The following KCNC3 variants were observed in gnomAD, a reference collection of about 807,000 sequenced individuals.
The protein encoded by KCNC3 is voltage-gated potassium channel KCNC3.
KCNC3 carries 22 observed loss-of-function variants against 43.9 expected under a neutral mutation model. That is an observed-to-expected ratio of 0.50 (90% CI 0.36 to 0.72). The LOEUF (loss-of-function observed/expected upper bound fraction) is 0.72, where lower values mean the gene tolerates loss of function less well. Ranked by LOEUF, KCNC3 falls within the 30% of genes least tolerant of loss-of-function variation. The pLI, the probability that KCNC3 is intolerant of heterozygous loss-of-function variation, is 0.00. For missense variants in KCNC3, 829 were observed against 1,073.8 expected (o/e 0.77, Z 3.19); for synonymous variants, 492 against 488.0 (o/e 1.01, Z -0.11).
chr19:50,329,911 C>G (rs76714689), upstream of KCNC3: 1,047 of 152,356 alleles, frequency 6.9e-3, 10 homozygotes, highest in Middle Eastern at 0.024. Context: ...GGGCTGGGCC[C>G]GGAGAATGAG....
In KCNC3 at chr19:50,324,137, C is replaced by T. The variant is rs1054637109; in HGVS notation, c.871-55G>A. 5.3e-6 allele frequency: 8 copies of T among 1,515,654 alleles called. No homozygotes were observed. Among genetic ancestry groups the T allele is most frequent in the Admixed American group, 4.0e-5 (2 of 49,532 alleles). 93.9% of individuals were successfully genotyped at this position (1,515,654 alleles called of 1,614,324 possible). The stretch of plus-strand genomic sequence containing the variant: ...AGAGGTGACCTAGGCATCAGGTTGG[C>T]CATAACATCCAGAAGACCCTTCCAG... On this transcript the variant is annotated intron_variant, in intron 1 of 4. Transcript: ENST00000477616. The surrounding 1 kb of genome is among the most constrained non-coding windows in gnomAD (Gnocchi z 4.1).
chr19:50,317,497 AAT>A (rs2036972459), intron 4 of KCNC3, among the ~76,000 whole-genome samples: 2 of 152,106 alleles, frequency 1.3e-5, no homozygotes, highest in Non-Finnish European at 2.9e-5. Context: ...CTGTTGAATG[AAT>A]GCATGATGGA....
intron 1 of KCNC3, among the ~76,000 whole-genome samples, chr19:50,325,322 G>A (rs1046815839): frequency 6.6e-6 from 1 of 152,178 alleles, no homozygotes; most frequent in African/African-American, 2.4e-5. Flanking sequence ...GGAGGAGGGA[G>A]GGCATGGGGA....
At chr19:50,320,812 G>T in intron 2 of KCNC3, 28 bp from the exon 3 acceptor site, 3 of 1,609,750 alleles carry the variant, frequency 1.9e-6, no homozygotes, top group Non-Finnish European at 2.5e-6. Context: ...CAGACAGAGA[G>T]ACAAAGGAGA....
In KCNC3 at chr19:50,314,994, G is replaced by A. The variant is rs944901766; in HGVS notation, c.*1121C>T. 7.1e-6 allele frequency: 2 copies of A among 281,758 alleles called. No homozygotes were observed. The highest frequency in any genetic ancestry group is 2.4e-5 in the African/African-American group (1 of 42,334). 17.5% of individuals were successfully genotyped at this position (281,758 alleles called of 1,614,324 possible). A position where few individuals can be genotyped will look rare whatever the true frequency, so the allele number is the denominator to read the frequency against. ...AGGCTGCGGGATTTCTCGTAACCTG[G>A]GGGGTGGGGAGGTGTGCAGACACAG... On this transcript the variant is annotated 3_prime_UTR_variant, in exon 5 of 5. Transcript: ENST00000477616.
Position 50,324,086 on chromosome 19 carries a change from C to T in KCNC3, c.871-4G>A. 1 of 1,587,144 alleles carries T rather than the reference C, an allele frequency of 6.3e-7. No homozygotes were observed. On this transcript the variant is annotated splice_polypyrimidine_tract_variant and splice_region_variant and intron_variant, in intron 1 of 4. Transcript: ENST00000477616. The surrounding 1 kb of genome is among the most constrained non-coding windows in gnomAD (Gnocchi z 4.1). ...AGAGGGAGGCGAAGGCCACATACTG[C>T]AGGGCAGGGAGGGAGAGAGAGGGGG...
intron 4 of KCNC3, among the ~76,000 whole-genome samples, chr19:50,319,160 C>A (rs1489472960): frequency 6.6e-6 from 1 of 152,060 alleles, no homozygotes; most frequent in Non-Finnish European, 1.5e-5. Flanking sequence ...CTGAATGATT[C>A]GTCTACTAAA....
rs1481555586 is a variant in KCNC3, at chr19:50,315,034, G to T, written c.*1081C>A. ...TGCAGACACAGGGGGGAAGCACGAA[G>T]ATGGGGTGCAGGGAAGGGTCAGACA... On this transcript the variant is annotated 3_prime_UTR_variant, in exon 5 of 5. Coordinates refer to ENST00000477616, the MANE Select transcript of KCNC3 (RefSeq NM_004977.3). 2 of 245,238 alleles carry T rather than the reference G, an allele frequency of 8.2e-6. 1 individual carries two copies. 15.2% of individuals were successfully genotyped at this position (245,238 alleles called of 1,614,324 possible).
rs2037142149 is a variant in KCNC3 at position 50,328,887 on chromosome 19, C to A, written c.196G>T (p.Ala66Ser). ...PAPRGPGDRR[A>S]EPCPGLPAAA... ...GCCGGCAGCCCGGGGCATGGCTCGG[C>A]GCGCCGGTCCCCGGGCCCGCGGGGT... The change falls in exon 1 of 5, where the codon GCC (alanine) becomes TCC (serine). Residue 66 changes from alanine (A) to serine (S), a missense_variant. By Grantham distance (99) the Ala-to-Ser change is moderately conservative (BLOSUM62 1). Transcript: ENST00000477616. 3 of 1,052,012 alleles carry A rather than the reference C, an allele frequency of 2.9e-6. No individual in the cohort carries two copies. 65.2% of individuals were successfully genotyped at this position (1,052,012 alleles called of 1,614,324 possible). A position where few individuals can be genotyped will look rare whatever the true frequency, so the allele number is the denominator to read the frequency against.
rs2036896474 is a variant in KCNC3, at chr19:50,312,741, T to G, written c.*3374A>C. On this transcript the variant is annotated 3_prime_UTR_variant, in exon 5 of 5. Coordinates refer to ENST00000477616, the MANE Select transcript of KCNC3 (RefSeq NM_004977.3). Reference sequence around the variant, plus strand: ...CCTTTGGAAAAGACCCTCACCCCCTTTCCCCGCCTCCTTCGGCTTTCGTGA... The same window carrying G: ...CCTTTGGAAAAGACCCTCACCCCCTGTCCCCGCCTCCTTCGGCTTTCGTGA... The G allele has an allele frequency of 6.6e-6, 1 of 152,150 alleles. No individual in the cohort carries two copies. Among genetic ancestry groups the G allele is most frequent in the Non-Finnish European group, 1.5e-5 (1 of 68,018 alleles). 9.4% of individuals were successfully genotyped at this position (152,150 alleles called of 1,614,324 possible).
chr19:50,316,717 C>T (rs2036959070), intron 4 of KCNC3, among the ~76,000 whole-genome samples: 1 of 151,750 alleles, frequency 6.6e-6, no homozygotes, highest in Non-Finnish European at 1.5e-5. Flanking sequence ...GCCTGGGCGA[C>T]AGAGCGAGAC....
At position 50,316,729 on chromosome 19, in the gene KCNC3, C is replaced by G. The variant is rs191494107; in HGVS notation, c.*24-638G>C. Among the ~76,000 whole-genome samples, 8 of 151,878 alleles carry G rather than the reference C, an allele frequency of 5.3e-5. No individual in the cohort carries two copies. In the East Asian group the frequency reaches 1.4e-3, roughly 26 times the overall value. On this transcript the variant is annotated intron_variant, in intron 4 of 4. Transcript: ENST00000477616. ...CCAGCCTGGGCGACAGAGCGAGACC[C>G]CATTTCAAAAACAAAAACGAAAGGG...
rs2037133875 is a variant in KCNC3 at position 50,328,404 on chromosome 19, C to T, written c.679G>A (p.Glu227Lys). ...AGGCCGCCGCCGCCCGCGCCCGCCT[C>T]GTCGTCCAGGCCTCCGTCGTGGGCG... ...AGAHDGGLDD[E>K]AGAGGGGLDG... The change falls in exon 1 of 5, where the codon GAG (glutamate) becomes AAG (lysine). Residue 227 changes from glutamate (E) to lysine (K), a missense_variant. Physicochemically the swap from Glu to Lys is moderately conservative, Grantham distance 56. This residue lies in a region of KCNC3 where 60 missense variants were observed against 56.0 expected (regional missense o/e 1.07). Transcript: ENST00000477616. 3.0e-6 allele frequency: 4 copies of T among 1,331,750 alleles called. No individual in the cohort carries two copies. Among genetic ancestry groups the T allele is most frequent in the Non-Finnish European group, 3.8e-6 (4 of 1,045,302 alleles). 82.5% of individuals were successfully genotyped at this position (1,331,750 alleles called of 1,614,324 possible).
At position 50,329,143 on chromosome 19, in the gene KCNC3, C is replaced by T. The variant is rs1224541056; in HGVS notation, c.-61G>A. The T allele has an allele frequency of 2.8e-6, 1 of 360,726 alleles. No homozygotes were observed. Among genetic ancestry groups the T allele is most frequent in the East Asian group, 9.3e-5 (1 of 10,804 alleles). The allele number at this position is 360,726 out of a possible 1,614,324, so 22.3% of individuals were successfully genotyped here. ...GGGGCGGGGACACGGGGGGAGAGAC[C>T]GACGGGATTGGGTGGGAGGAGGAGC... On this transcript the variant is annotated 5_prime_UTR_variant, in exon 1 of 5. Transcript: ENST00000477616.
At chr19:50,322,277 TTG>T (rs1166826281) in intron 2 of KCNC3, among the ~76,000 whole-genome samples, 1 of 152,150 alleles carries the variant, frequency 6.6e-6, no homozygotes, top group Non-Finnish European at 1.5e-5. Flanking sequence ...CATCTCTCGC[TTG>T]TCTCTTCCTC....
chr19:50,316,120 G>T, intron 4 of KCNC3, 29 bp from the exon 5 acceptor site: 1 of 401,908 alleles, frequency 2.5e-6, no homozygotes, highest in South Asian at 1.3e-4. Flanking sequence ...AGAGTCACGG[G>T]GGTGGGGAGA....
rs1284948650 is a variant in KCNC3, at chr19:50,323,103, G to T, written c.1850C>A (p.Pro617His). Residue 617 changes from proline (P) to histidine (H), a missense_variant, in exon 2 of 5, where the codon CCC (proline) becomes CAC (histidine). Pro to His is a moderately conservative substitution (Grantham distance 77). Around this residue, in one of 7 missense-constraint regions of KCNC3, gnomAD observed 308 missense variants for 276.2 expected, o/e 1.11. Coordinates refer to ENST00000477616, the MANE Select transcript of KCNC3 (RefSeq NM_004977.3). ...VTVAGAYPAGPHTHPGLLRGG... is the reference protein window; with the variant it reads ...VTVAGAYPAGHHTHPGLLRGG... ...CCTGAGCAGCCCGGGGTGCGTGTGG[G>T]GCCCCGCTGGGTAGGCCCCGGCCAC... 1 of 1,538,974 alleles carries T rather than the reference G, an allele frequency of 6.5e-7. No individual in the cohort carries two copies. The highest frequency in any genetic ancestry group is 8.7e-7 in the Non-Finnish European group (1 of 1,144,658).
intron 1 of KCNC3, among the ~76,000 whole-genome samples, chr19:50,327,864 A>G (rs2037124722): frequency 6.6e-6 from 1 of 151,612 alleles, no homozygotes; most frequent in Non-Finnish European, 1.5e-5. Flanking sequence ...GGAGGGTCTC[A>G]GAGGAGCCCA....
rs1398784425 is a variant in KCNC3 at position 50,323,238 on chromosome 19, G to A, written c.1715C>T (p.Pro572Leu). 1.3e-6 allele frequency: 2 copies of A among 1,585,434 alleles called. No homozygotes were observed. Among genetic ancestry groups the A allele is most frequent in the African/African-American group, 2.7e-5 (2 of 74,602 alleles). Residue 572 changes from proline (P) to leucine (L), a missense_variant, in exon 2 of 5, where the codon CCC becomes CTC. By Grantham distance (98) the Pro-to-Leu change is moderately conservative (BLOSUM62 -3). This residue lies in a region of KCNC3 where 308 missense variants were observed against 276.2 expected (regional missense o/e 1.11). Coordinates refer to ENST00000477616, the MANE Select transcript of KCNC3 (RefSeq NM_004977.3). The stretch of plus-strand genomic sequence containing the variant: ...GGGTGGGTCAGGCTTGCAGTAGTTG[G>A]GCGAGCCCGGTTGCGGGGGCCGGGG... ...HIPRPPQPGSPNYCKPDPPPP... is the reference protein window; with the variant it reads ...HIPRPPQPGSLNYCKPDPPPP...
Sources: gnomAD v4.1 joint callset for allele counts (sites outside exome capture counted in the v4.1 genomes callset) on GRCh38, gnomAD v4.1.1 for gene constraint, gnomAD v4.1.1 regional missense constraint, Gnocchi (gnomAD v3.1) non-coding constraint, MANE v1.5 for transcripts, NCBI Gene and HGNC (gene_info 2026-07-23, HGNC 2026-07-21) for gene names.